The following PCDHGB2 variants were observed in gnomAD, a reference collection of about 807,000 sequenced individuals.
PCDHGB2 encodes the protein protocadherin gamma-B2.
PCDHGB2 carries 55 observed loss-of-function variants against 59.3 expected under a neutral mutation model. That is an observed-to-expected ratio of 0.93 (90% CI 0.75 to 1.16). The LOEUF is 1.16. Ranked by LOEUF, PCDHGB2 falls within the 50% of genes most tolerant of loss-of-function variation. The pLI, the probability that PCDHGB2 is intolerant of heterozygous loss-of-function variation, is 0.00. For synonymous variants in PCDHGB2, 516 were observed against 512.0 expected (o/e 1.01, Z -0.11); for missense variants, 1,228 against 1,198.5 (o/e 1.02, Z -0.36).
At chr5:141,430,641 T>C (rs1332550435) in intron 1 of PCDHGB2, 2 of 902,672 alleles carry the variant, frequency 2.2e-6, no homozygotes, top group East Asian at 5.4e-5. Flanking sequence ...TCCCTGGGAG[T>C]ATGTGGAAAC....
At chr5:141,382,819 G>A in intron 1 of PCDHGB2, 2 of 1,297,966 alleles carry the variant, frequency 1.5e-6, no homozygotes, top group Non-Finnish European at 2.1e-6. Context: ...CCCTTCCTAA[G>A]ACAGAGGGGT....
In PCDHGB2 at chr5:141,423,069, G is replaced by A. The variant is rs1364397726; in HGVS notation, c.2421+60513G>A. ...CCTATCGCCTGCTTAAGGCCAGCGA[G>A]CCGGGACTCTTCGCGGTGGGGGAGC... On this transcript the variant is annotated intron_variant, in intron 1 of 3. Transcript: ENST00000522605. 8 of 1,614,034 alleles carry A rather than the reference G, an allele frequency of 5.0e-6. No homozygotes were observed. In the African/African-American group the frequency reaches 1.1e-4, roughly 22 times the overall value.
At position 141,486,190 on chromosome 5, in the gene PCDHGB2, T is replaced by A; in HGVS notation, c.2422-8617T>A. Reference sequence around the variant, plus strand: ...AGCAACATTGCAGCCTTCGAGTGGATCTGCTGGACGTAAATGACAATGCCC... The same window carrying A: ...AGCAACATTGCAGCCTTCGAGTGGAACTGCTGGACGTAAATGACAATGCCC... On this transcript the variant is annotated intron_variant, in intron 1 of 3. Transcript: ENST00000522605. The surrounding 1 kb of genome is among the most constrained non-coding windows in gnomAD (Gnocchi z 5.0). 1 of 1,614,122 alleles carries A rather than the reference T, an allele frequency of 6.2e-7. No individual in the cohort carries two copies. Among genetic ancestry groups the A allele is most frequent in the South Asian group, 1.1e-5 (1 of 91,070 alleles).
At chr5:141,380,168 G>T (rs1204513654) in intron 1 of PCDHGB2, among the ~76,000 whole-genome samples, 1 of 152,074 alleles carries the variant, frequency 6.6e-6, no homozygotes, top group Non-Finnish European at 1.5e-5. Flanking sequence ...TCAAAGGGCT[G>T]GGATTACAGG....
intron 1 of PCDHGB2, among the ~76,000 whole-genome samples, chr5:141,473,390 A>T (rs554428702): frequency 1.3e-5 from 2 of 152,190 alleles, no homozygotes; most frequent in Non-Finnish European, 2.9e-5. Flanking sequence ...GCCCTCCTGG[A>T]GCTTCTTTTT....
At position 141,360,472 on chromosome 5, in the gene PCDHGB2, C is replaced by G; in HGVS notation, c.337C>G (p.Pro113Ala). Residue 113 changes from proline to alanine, a missense_variant, in exon 1 of 4, where the codon CCA becomes GCA. Pro to Ala is a conservative substitution (Grantham distance 27, BLOSUM62 -1). Around this residue, in one of 3 missense-constraint regions of PCDHGB2, gnomAD observed 781 missense variants for 721.6 expected, o/e 1.08. Coordinates refer to ENST00000522605, the MANE Select transcript of PCDHGB2 (RefSeq NM_018923.3). ...VLDFDTVAEN[P>A]LNIFYIAVIV... Reference sequence around the variant, plus strand: ...GGATTTCGATACTGTCGCTGAAAATCCACTAAATATTTTCTACATAGCAGT... The same window carrying G: ...GGATTTCGATACTGTCGCTGAAAATGCACTAAATATTTTCTACATAGCAGT... 1 of 1,613,884 alleles carries G rather than the reference C, an allele frequency of 6.2e-7. No homozygotes were observed. Among genetic ancestry groups the G allele is most frequent in the Non-Finnish European group, 8.5e-7 (1 of 1,179,840 alleles).
Position 141,478,120 on chromosome 5 carries a change from G to A in PCDHGB2, c.2422-16687G>A, listed in dbSNP as rs772548778. 3.1e-6 allele frequency: 5 copies of A among 1,613,948 alleles called. No homozygotes were observed. In the Admixed American group the frequency reaches 6.7e-5, roughly 22 times the overall value. ...CTACCCTCACTGTGTCAGTAACCGA[G>A]GACTCTCCTGAAGCCCGAGCCGAGT... On this transcript the variant is annotated intron_variant, in intron 1 of 3. Coordinates refer to ENST00000522605, the MANE Select transcript of PCDHGB2 (RefSeq NM_018923.3).
In PCDHGB2 at chr5:141,490,679, A is replaced by C; in HGVS notation, c.2422-4128A>C. On this transcript the variant is annotated intron_variant, in intron 1 of 3. Coordinates refer to ENST00000522605, the MANE Select transcript of PCDHGB2 (RefSeq NM_018923.3). The surrounding 1 kb of genome is among the most constrained non-coding windows in gnomAD (Gnocchi z 5.4). ...CTTCTTTGCACTGTGGCTGCCTCAG[A>C]TCCAGACACTGGGGATAATGCCCGC... 6.2e-7 allele frequency: 1 copy of C among 1,614,164 alleles called. No individual in the cohort carries two copies. The highest frequency in any genetic ancestry group is 8.5e-7 in the Non-Finnish European group (1 of 1,180,034).
chr5:141,462,122 C>T (rs1437400069), intron 1 of PCDHGB2, among the ~76,000 whole-genome samples: 1 of 152,044 alleles, frequency 6.6e-6, no homozygotes, highest in South Asian at 2.1e-4. Context: ...TGCACCCAGT[C>T]CAATTTTTTG....
At chr5:141,366,062 G>A in intron 1 of PCDHGB2, 5 of 1,614,234 alleles carry the variant, frequency 3.1e-6, no homozygotes, top group Non-Finnish European at 4.2e-6. Context: ...CGTGGAGCTG[G>A]CGCCTCGCTC....
At position 141,432,207 on chromosome 5, in the gene PCDHGB2, A is replaced by G. The variant is rs1181424938; in HGVS notation, c.2422-62600A>G. 3 of 1,614,176 alleles carry G rather than the reference A, an allele frequency of 1.9e-6. No homozygotes were observed. The highest frequency in any genetic ancestry group is 2.5e-6 in the Non-Finnish European group (3 of 1,180,026). ...ACCGCCCACGACCCCGACTGTGAAG[A>G]GAACGCCCAGATCACTTATTCCCTG... On this transcript the variant is annotated intron_variant, in intron 1 of 3. Transcript: ENST00000522605. The surrounding 1 kb of genome is among the most constrained non-coding windows in gnomAD (Gnocchi z 6.0).
At chr5:141,371,490 G>A in intron 1 of PCDHGB2, 1 of 1,613,890 alleles carries the variant, frequency 6.2e-7, no homozygotes, top group African/African-American at 1.3e-5. Context: ...GGGGACTGCC[G>A]TTGCCCTGAT....
intron 1 of PCDHGB2, chr5:141,404,839 T>C: frequency 6.2e-7 from 1 of 1,613,458 alleles, no homozygotes; most frequent in Non-Finnish European, 8.5e-7. Context: ...TGCGCACAGC[T>C]CGGGCCCTGC....
chr5:141,362,699 T>C, intron 1 of PCDHGB2, 143 bp downstream of exon 1: 2 of 1,033,006 alleles, frequency 1.9e-6, no homozygotes, highest in Non-Finnish European at 2.7e-6. Flanking sequence ...TCTAACTGAA[T>C]TTTAAGTGTT....
chr5:141,405,215 C>T, intron 1 of PCDHGB2: 1 of 1,614,078 alleles, frequency 6.2e-7, no homozygotes, highest in Non-Finnish European at 8.5e-7. Flanking sequence ...GACCTATTCT[C>T]AGGAGTTCTC....
At chr5:141,501,116 C>T (rs1325487254) in intron 2 of PCDHGB2, among the ~76,000 whole-genome samples, 1 of 152,154 alleles carries the variant, frequency 6.6e-6, no homozygotes, top group Non-Finnish European at 1.5e-5. Flanking sequence ...ATCCGCCTGC[C>T]TCAGCCTCCC....
At chr5:141,450,556 G>T (rs534127421) in intron 1 of PCDHGB2, among the ~76,000 whole-genome samples, 1 of 151,940 alleles carries the variant, frequency 6.6e-6, no homozygotes, top group African/African-American at 2.4e-5. Flanking sequence ...GCGCAGTCTC[G>T]GCTCACTGCA....
At chr5:141,363,856 A>G (rs1763082637) in intron 1 of PCDHGB2, among the ~76,000 whole-genome samples, 2 of 152,230 alleles carry the variant, frequency 1.3e-5, no homozygotes, top group Admixed American at 6.5e-5. Context: ...TGGACTAAAT[A>G]TAGATAAGAG....
chr5:141,396,893 A>G (rs1441946913), intron 1 of PCDHGB2, among the ~76,000 whole-genome samples: 2 of 152,226 alleles, frequency 1.3e-5, no homozygotes, highest in Non-Finnish European at 1.5e-5. Flanking sequence ...AGGACAACAT[A>G]TTATTGGCAC....
Sources: allele counts gnomAD v4.1 joint callset (sites outside exome capture counted in the v4.1 genomes callset), GRCh38; gene constraint gnomAD v4.1.1; regional missense constraint gnomAD v4.1.1; non-coding constraint Gnocchi (gnomAD v3.1); transcripts MANE v1.5; gene names NCBI Gene and HGNC (gene_info 2026-07-23, HGNC 2026-07-21).